SYNPO2: variants seen among roughly 807,000 people sequenced by gnomAD.
SYNPO2 encodes the protein synaptopodin 2.
In SYNPO2, 56 loss-of-function variants were observed where a neutral mutation model predicts 85.0. The observed-to-expected ratio is 0.66, with a 90% CI of 0.53 to 0.82. The LOEUF (loss-of-function observed/expected upper bound fraction) is 0.82. Among genes scored for constraint, SYNPO2 ranks in the 40% least tolerant of loss-of-function variants. The pLI is 0.00. For missense variants in SYNPO2, 1,575 were observed against 1,534.2 expected (o/e 1.03, Z -0.44); for synonymous variants, 602 against 591.1 (o/e 1.02, Z -0.27).
chr4:119,022,144 T>C (rs1737746069), intron 1 of SYNPO2, among the ~76,000 whole-genome samples: 1 of 152,186 alleles, frequency 6.6e-6, no homozygotes, highest in South Asian at 2.1e-4. Context: ...CCCACTATAC[T>C]GGGATGGTTT....
At position 119,057,987 on chromosome 4, in the gene SYNPO2, C is replaced by T; in HGVS notation, c.*53C>T. 6.5e-7 allele frequency: 1 copy of T among 1,539,674 alleles called. No individual in the cohort carries two copies. The highest frequency in any genetic ancestry group is 2.1e-5 in the Admixed American group (1 of 46,968). On this transcript the variant is annotated 3_prime_UTR_variant, in exon 5 of 5. Coordinates refer to ENST00000307142, the MANE Select transcript of SYNPO2 (RefSeq NM_133477.3). ...CTGTAGTTTTTTAAAAAAAACGCTC[C>T]TTTGTAGGGTTTTAAACTTTTCTAA...
intron 1 of SYNPO2, among the ~76,000 whole-genome samples, chr4:118,851,237 C>T (rs2110559418): frequency 6.6e-6 from 1 of 152,252 alleles, no homozygotes; most frequent in South Asian, 2.1e-4. Flanking sequence ...AGTCTTTCAA[C>T]AACTTTTTGG....
At chr4:118,922,855 T>C (rs1733584993) in intron 1 of SYNPO2, among the ~76,000 whole-genome samples, 1 of 152,146 alleles carries the variant, frequency 6.6e-6, no homozygotes, top group African/African-American at 2.4e-5. Context: ...GATATTCGGC[T>C]CCAGTCTGTT....
intron 4 of SYNPO2, chr4:119,032,426 G>C (rs1008917239): frequency 2.7e-6 from 3 of 1,114,320 alleles, no homozygotes; most frequent in Non-Finnish European, 3.3e-6. Context: ...TATGGTGAAA[G>C]GTTCAAATGT....
At chr4:118,964,282 C>G (rs112544293) in intron 1 of SYNPO2, among the ~76,000 whole-genome samples, 3 of 149,450 alleles carry the variant, frequency 2.0e-5, no homozygotes, top group Non-Finnish European at 4.4e-5. Flanking sequence ...AACCCTGTCT[C>G]TACAAAACAC....
intron 4 of SYNPO2, chr4:119,034,677 C>T: frequency 1.0e-6 from 1 of 985,510 alleles, no homozygotes; most frequent in Non-Finnish European, 1.2e-6. Context: ...TCTGACCTCA[C>T]TCTGAGGGAG....
chr4:118,940,286 C>T (rs1185544868), intron 1 of SYNPO2, among the ~76,000 whole-genome samples: 4 of 151,988 alleles, frequency 2.6e-5, no homozygotes, highest in Non-Finnish European at 2.9e-5. Context: ...TGCGCCTGGC[C>T]GCCTTTTCTC....
intron 1 of SYNPO2, among the ~76,000 whole-genome samples, chr4:118,871,402 T>C (rs980487191): frequency 6.6e-6 from 1 of 151,734 alleles, no homozygotes; most frequent in African/African-American, 2.4e-5. Context: ...ACATATCACA[T>C]CTTTATTTTT....
intron 1 of SYNPO2, among the ~76,000 whole-genome samples, chr4:118,899,603 AT>A (rs1259374683): frequency 6.6e-6 from 1 of 152,134 alleles, no homozygotes; most frequent in Non-Finnish European, 1.5e-5. Context: ...CCTGATAATC[AT>A]TTTTCATTTT....
chr4:118,930,787 G>T (rs1163324582), intron 1 of SYNPO2, among the ~76,000 whole-genome samples: 1 of 151,216 alleles, frequency 6.6e-6, no homozygotes, highest in East Asian at 1.9e-4. Context: ...AGGCATTGTG[G>T]CACAGCTGTA....
chr4:118,928,607 G>A (rs1383860910), intron 1 of SYNPO2, among the ~76,000 whole-genome samples: 1 of 152,138 alleles, frequency 6.6e-6, no homozygotes, highest in East Asian at 1.9e-4. Context: ...ATTACCGAAA[G>A]TCTCAGGCCA....
intron 1 of SYNPO2, among the ~76,000 whole-genome samples, chr4:118,881,551 C>T (rs1732100383): frequency 6.6e-6 from 1 of 152,186 alleles, no homozygotes; most frequent in Non-Finnish European, 1.5e-5. Flanking sequence ...CTTTCTTATG[C>T]CCCGAGGGGG....
At chr4:118,970,340 T>C (rs891001213) in intron 1 of SYNPO2, among the ~76,000 whole-genome samples, 1 of 152,202 alleles carries the variant, frequency 6.6e-6, no homozygotes, top group African/African-American at 2.4e-5. Flanking sequence ...TCCAAAGGTC[T>C]TGCTATCATA....
intron 1 of SYNPO2, among the ~76,000 whole-genome samples, chr4:118,954,965 ACCAGACAGTCTGACTCCAG>A (rs1734820458): frequency 6.6e-6 from 1 of 150,924 alleles, no homozygotes; most frequent in South Asian, 2.1e-4. Flanking sequence ...AATGACTTGC[ACCAGACAGTCTGACTCCAG>A]ATTCTGTGCA....
chr4:118,920,875 A>C (rs1465580088), intron 1 of SYNPO2, among the ~76,000 whole-genome samples: 1 of 151,240 alleles, frequency 6.6e-6, no homozygotes, highest in Non-Finnish European at 1.5e-5. Flanking sequence ...ATTAAGATCC[A>C]CCTGATTTCT....
intron 1 of SYNPO2, among the ~76,000 whole-genome samples, chr4:118,974,041 C>T (rs1178086783): frequency 3.9e-5 from 6 of 152,136 alleles, no homozygotes; most frequent in Non-Finnish European, 7.3e-5. Context: ...TTATCTTGGT[C>T]ATATGATTTT....
At chr4:118,966,039 G>A (rs1296928738) in intron 1 of SYNPO2, among the ~76,000 whole-genome samples, 1 of 151,944 alleles carries the variant, frequency 6.6e-6, no homozygotes, top group Non-Finnish European at 1.5e-5. Flanking sequence ...TGGGTGACAC[G>A]GTGAGACCCT....
At position 119,030,797 on chromosome 4, in the gene SYNPO2, C is replaced by G; in HGVS notation, c.2022C>G (p.Ile674Met). ...SERIASRDER[I>M]SVPAKRTGIL... is the part of the protein sequence containing the mutation. ...GAATAGCTTCCCGAGATGAGAGGAT[C>G]TCAGTGCCAGCAAAAAGAACAGGAA... Residue 674 changes from isoleucine to methionine, a missense_variant, in exon 4 of 5, where the codon ATC (isoleucine) becomes ATG (methionine). By Grantham distance (10) the Ile-to-Met change is conservative. Around this residue, in one of 3 missense-constraint regions of SYNPO2, gnomAD observed 1,508 missense variants for 1,446.8 expected, o/e 1.04. Transcript: ENST00000307142. The G allele has an allele frequency of 1.2e-6, 2 of 1,614,100 alleles. No individual in the cohort carries two copies. The highest frequency in any genetic ancestry group is 8.5e-7 in the Non-Finnish European group (1 of 1,180,026).
intron 1 of SYNPO2, among the ~76,000 whole-genome samples, chr4:118,856,968 C>G (rs1731518206): frequency 1.3e-5 from 2 of 151,974 alleles, no homozygotes; most frequent in Admixed American, 6.6e-5. Flanking sequence ...TTTAAAACAT[C>G]AATAAAAGCT....
Sources: gnomAD v4.1 joint callset for allele counts (sites outside exome capture counted in the v4.1 genomes callset) on GRCh38, gnomAD v4.1.1 for gene constraint, gnomAD v4.1.1 regional missense constraint, MANE v1.5 for transcripts, NCBI Gene and HGNC (gene_info 2026-07-23, HGNC 2026-07-21) for gene names.